The following PRIMPOL variants were observed in gnomAD, a reference collection of about 807,000 sequenced individuals.
The protein encoded by PRIMPOL is primase and DNA directed polymerase, also known as DNA-directed primase/polymerase protein.
In PRIMPOL, 54 loss-of-function variants were observed where a neutral mutation model predicts 63.6. The ratio of observed to expected loss-of-function variants is 0.85; its 90% CI spans 0.68 to 1.07. PRIMPOL has a LOEUF of 1.07. Ranked by LOEUF, PRIMPOL falls within the 50% of genes least tolerant of loss-of-function variation. The pLI is 0.00. For missense variants in PRIMPOL, 610 were observed against 648.3 expected (o/e 0.94, Z 0.64); for synonymous variants, 197 against 220.2 (o/e 0.89, Z 0.93).
In PRIMPOL at chr4:184,682,236, TTTC is replaced by T. The variant is rs1297310877; in HGVS notation, c.1008-5_1008-3del. Reference sequence around the variant, plus strand: ...GATGGTGCTTTGTTTCTTTTACCTATTTCTTCTTCAGGTTCTCAGATACTTTAC... The same window carrying T: ...GATGGTGCTTTGTTTCTTTTACCTATTTCTTCAGGTTCTCAGATACTTTAC... On this transcript the variant is annotated splice_polypyrimidine_tract_variant and intron_variant, in intron 8 of 13. Transcript: ENST00000314970. 11 of 1,491,214 alleles carry T rather than the reference TTTC, an allele frequency of 7.4e-6. No homozygotes were observed. Among genetic ancestry groups the T allele is most frequent in the Non-Finnish European group, 9.3e-7 (1 of 1,072,170 alleles). 92.4% of individuals were successfully genotyped at this position (1,491,214 alleles called of 1,614,324 possible).
At chr4:184,672,118 T>TA (rs1751937053) in intron 6 of PRIMPOL, 55 bp from the exon 7 acceptor site, 1 of 1,443,536 alleles carries the variant, frequency 6.9e-7, no homozygotes, top group African/African-American at 1.4e-5. Flanking sequence ...GGCTAGACCT[T>TA]AAGATGCGGT....
At position 184,659,334 on chromosome 4, in the gene PRIMPOL, A is replaced by T; in HGVS notation, c.181-6A>T. 1.9e-6 allele frequency: 3 copies of T among 1,607,196 alleles called. No homozygotes were observed. Among genetic ancestry groups the T allele is most frequent in the African/African-American group, 1.3e-5 (1 of 74,836 alleles). On this transcript the variant is annotated splice_polypyrimidine_tract_variant and splice_region_variant and intron_variant, in intron 3 of 13. Coordinates refer to ENST00000314970, the MANE Select transcript of PRIMPOL (RefSeq NM_152683.4). ...TTTTTCTGAATTCTTTTTTGATTTTATGCAGGACGTTCATGTATTTGCTTT... is the reference window on the plus strand; with the variant it reads ...TTTTTCTGAATTCTTTTTTGATTTTTTGCAGGACGTTCATGTATTTGCTTT...
chr4:184,689,351 C>T (rs1431724706), intron 11 of PRIMPOL, among the ~76,000 whole-genome samples: 2 of 151,998 alleles, frequency 1.3e-5, no homozygotes, highest in Non-Finnish European at 2.9e-5. Flanking sequence ...TGTGAACCAC[C>T]TCACCAGGCC....
chr4:184,665,876 A>G (rs1749741044), intron 5 of PRIMPOL, 41 bp from the exon 6 acceptor site: 1 of 1,399,146 alleles, frequency 7.1e-7, no homozygotes, highest in Non-Finnish European at 9.7e-7. Flanking sequence ...AAATTTTAAA[A>G]CAAAAAATAT....
At chr4:184,653,645 G>A (rs774369249) in intron 2 of PRIMPOL, among the ~76,000 whole-genome samples, 1 of 151,642 alleles carries the variant, frequency 6.6e-6, no homozygotes, top group African/African-American at 2.4e-5. Flanking sequence ...CCACTGCACC[G>A]GGCGGAGCCC....
At chr4:184,670,166 C>T (rs920664756) in intron 6 of PRIMPOL, among the ~76,000 whole-genome samples, 3 of 152,148 alleles carry the variant, frequency 2.0e-5, no homozygotes, top group African/African-American at 4.8e-5. Context: ...AGTGTGTTAG[C>T]GTTGATGCTA....
At chr4:184,666,165 T>C in intron 6 of PRIMPOL, 101 bp downstream of exon 6, 1 of 897,278 alleles carries the variant, frequency 1.1e-6, no homozygotes, top group South Asian at 2.0e-5. Flanking sequence ...TTTATGGTCA[T>C]TAACTTATCC....
At chr4:184,694,016 C>CTATACTGA (rs1330119311) in intron 13 of PRIMPOL, among the ~76,000 whole-genome samples, 2 of 152,116 alleles carry the variant, frequency 1.3e-5, no homozygotes, top group African/African-American at 2.4e-5. Context: ...AACTAAATGT[C>CTATACTGA]TATACTGAAG....
At chr4:184,684,544 C>T (rs1229522011) in intron 9 of PRIMPOL, among the ~76,000 whole-genome samples, 2 of 151,942 alleles carry the variant, frequency 1.3e-5, no homozygotes, top group South Asian at 2.1e-4. Flanking sequence ...ATTGTATTGT[C>T]AGTACCTTCC....
At chr4:184,653,496 G>A (rs1438045391) in intron 2 of PRIMPOL, among the ~76,000 whole-genome samples, 1 of 152,130 alleles carries the variant, frequency 6.6e-6, no homozygotes, top group Non-Finnish European at 1.5e-5. Context: ...TTAAATAATA[G>A]AAACTCTTTG....
intron 5 of PRIMPOL, among the ~76,000 whole-genome samples, chr4:184,662,321 G>C (rs2150055551): frequency 6.6e-6 from 1 of 152,256 alleles, no homozygotes; most frequent in East Asian, 1.9e-4. Context: ...AAGCTTGCAG[G>C]AATTTTGGAA....
At chr4:184,658,107 G>C (rs1446459009) in intron 3 of PRIMPOL, among the ~76,000 whole-genome samples, 1 of 151,040 alleles carries the variant, frequency 6.6e-6, no homozygotes, top group Non-Finnish European at 1.5e-5. Flanking sequence ...GGAATGTAAA[G>C]AAATATGAAA....
intron 11 of PRIMPOL, 155 bp from the exon 12 acceptor site, chr4:184,691,344 C>T (rs956859806): frequency 1.9e-6 from 1 of 533,140 alleles, no homozygotes; most frequent in Non-Finnish European, 3.3e-6. Context: ...TGGCAACCAC[C>T]GTTTTGATTG....
intron 3 of PRIMPOL, among the ~76,000 whole-genome samples, chr4:184,657,854 G>A (rs980546506): frequency 7.2e-5 from 11 of 152,074 alleles, no homozygotes; most frequent in Admixed American, 3.9e-4. Flanking sequence ...TTAGCCGGGT[G>A]TGGTGGCGTA....
rs774079498 is a variant in PRIMPOL, at chr4:184,657,253, C to T, written c.113C>T (p.Pro38Leu). ...CCAAGATTGTCCAAGCCAGAAGAAC[C>T]ACCCTCCATCTGGAGACTATTTCAT... ...YRPRLSKPEE[P>L]PSIWRLFHRQ... is the part of the protein sequence containing the mutation. Residue 38 changes from proline (P) to leucine (L), a missense_variant, in exon 3 of 14, where the codon CCA becomes CTA. Physicochemically the swap from Pro to Leu is moderately conservative, Grantham distance 98. Coordinates refer to ENST00000314970, the MANE Select transcript of PRIMPOL (RefSeq NM_152683.4). 11 of 1,613,626 alleles carry T rather than the reference C, an allele frequency of 6.8e-6. No homozygotes were observed. Among genetic ancestry groups the T allele is most frequent in the African/African-American group, 4.0e-5 (3 of 74,902 alleles).
intron 7 of PRIMPOL, among the ~76,000 whole-genome samples, chr4:184,676,274 C>A (rs997150649): frequency 6.6e-6 from 1 of 150,938 alleles, no homozygotes; most frequent in African/African-American, 2.4e-5. Context: ...ACTTTTAATA[C>A]AAATCAATCT....
intron 11 of PRIMPOL, 83 bp from the exon 12 acceptor site, chr4:184,691,416 A>AT: frequency 1.3e-6 from 1 of 778,880 alleles, no homozygotes; most frequent in Middle Eastern, 3.7e-4. Flanking sequence ...TCTTAGGCAT[A>AT]TTTCTTGGAA....
At chr4:184,676,315 C>T in intron 7 of PRIMPOL, among the ~76,000 whole-genome samples, 1 of 133,048 alleles carries the variant, frequency 7.5e-6, no homozygotes, top group Non-Finnish European at 1.6e-5. Context: ...CCTTCCCCTC[C>T]CTTCCCTTTC....
chr4:184,688,361 A>C (rs1757551360), intron 11 of PRIMPOL, among the ~76,000 whole-genome samples: 1 of 152,250 alleles, frequency 6.6e-6, no homozygotes. Flanking sequence ...GGTTTTGCTC[A>C]TCTGGCAGAT....
Sources: allele counts gnomAD v4.1 joint callset (sites outside exome capture counted in the v4.1 genomes callset), GRCh38; gene constraint gnomAD v4.1.1; transcripts MANE v1.5; gene names NCBI Gene and HGNC (gene_info 2026-07-23, HGNC 2026-07-21).